The following WDR70 variants were observed in gnomAD, a reference collection of about 807,000 sequenced individuals.
The protein encoded by WDR70 is WD repeat domain 70.
Under a neutral mutation model 88.6 loss-of-function variants are expected in WDR70, and 53 were observed. That is an observed-to-expected ratio of 0.60 (90% CI 0.48 to 0.75). The LOEUF is 0.75. WDR70 is among the 30% of genes least tolerant of loss of function. The pLI is 0.00. For synonymous variants in WDR70, 280 were observed against 270.0 expected (o/e 1.04, Z -0.36); for missense variants, 610 against 823.2 (o/e 0.74, Z 3.17).
intron 13 of WDR70, among the ~76,000 whole-genome samples, chr5:37,711,709 C>T (rs746029465): frequency 6.6e-6 from 1 of 152,136 alleles, no homozygotes; most frequent in Non-Finnish European, 1.5e-5. Context: ...TCTCCAGTGA[C>T]CAAATTGGAG....
Position 37,663,722 on chromosome 5 carries a change from G to A in WDR70, c.1093-33933G>A, listed in dbSNP as rs149165467. Among the ~76,000 whole-genome samples, 119 of 152,176 alleles carry A rather than the reference G, an allele frequency of 7.8e-4. 1 individual carries two copies. Among genetic ancestry groups the A allele is most frequent in the African/African-American group, 2.6e-3 (110 of 41,510 alleles). ...TGTGCCCTTGTATGTATCTCTGTGC[G>A]CATACTGCTGTGGTCTCTCAGCCTC... On this transcript the variant is annotated intron_variant, in intron 10 of 17. Transcript: ENST00000265107.
intron 8 of WDR70, among the ~76,000 whole-genome samples, chr5:37,502,605 A>G (rs184038293): frequency 1.3e-5 from 2 of 152,190 alleles, no homozygotes; most frequent in Admixed American, 1.3e-4. Flanking sequence ...ATTGACTTGC[A>G]TATTAGGCCA....
intron 10 of WDR70, among the ~76,000 whole-genome samples, chr5:37,689,584 T>G (rs1746722239): frequency 6.6e-6 from 1 of 152,204 alleles, no homozygotes; most frequent in Non-Finnish European, 1.5e-5. Flanking sequence ...GGAGTGGACC[T>G]CCAGCAAACT....
At chr5:37,664,758 A>G (rs937486317) in intron 10 of WDR70, among the ~76,000 whole-genome samples, 29 of 152,262 alleles carry the variant, frequency 1.9e-4, no homozygotes, top group Non-Finnish European at 3.5e-4. Context: ...CACACCTGGC[A>G]TAGTGCCTTG....
intron 5 of WDR70, among the ~76,000 whole-genome samples, chr5:37,415,400 C>T (rs1185266858): frequency 1.2e-4 from 12 of 103,354 alleles, no homozygotes; most frequent in Middle Eastern, 5.3e-3. Context: ...GGCGGCTGGC[C>T]GGGCGGGGGG....
intron 7 of WDR70, among the ~76,000 whole-genome samples, chr5:37,461,085 CAAAT>C (rs1347961174): frequency 8.6e-6 from 1 of 116,502 alleles, no homozygotes; most frequent in African/African-American, 4.1e-5. Flanking sequence ...TTGTAAATGG[CAAAT>C]AAATATTTCT....
chr5:37,741,506 A>T (rs1049461321), intron 17 of WDR70, among the ~76,000 whole-genome samples: 2 of 152,090 alleles, frequency 1.3e-5, no homozygotes, highest in Non-Finnish European at 2.9e-5. Context: ...TTTGGGATGA[A>T]ACTGTTCCAC....
chr5:37,569,029 T>C (rs1742824365), intron 9 of WDR70, among the ~76,000 whole-genome samples: 1 of 152,162 alleles, frequency 6.6e-6, no homozygotes, highest in Non-Finnish European at 1.5e-5. Flanking sequence ...CCAGCCACAA[T>C]ATATACATGA....
At chr5:37,732,147 C>A (rs1748162444) in intron 17 of WDR70, among the ~76,000 whole-genome samples, 1 of 152,102 alleles carries the variant, frequency 6.6e-6, no homozygotes, top group Admixed American at 6.6e-5. Flanking sequence ...ACTTAACCCC[C>A]AGTTCCTTCA....
intron 5 of WDR70, among the ~76,000 whole-genome samples, chr5:37,415,931 C>T (rs1252297343): frequency 3.3e-5 from 5 of 151,728 alleles, no homozygotes; most frequent in Non-Finnish European, 7.4e-5. Flanking sequence ...GGCAGAGACG[C>T]TCCTCACTTC....
At chr5:37,425,659 G>GT (rs902297572) in intron 5 of WDR70, among the ~76,000 whole-genome samples, 13 of 151,960 alleles carry the variant, frequency 8.6e-5, no homozygotes, top group South Asian at 2.1e-4. Flanking sequence ...CTTTTATGCT[G>GT]TTTTTTTTCT....
At chr5:37,585,541 T>C (rs1259754678) in intron 9 of WDR70, among the ~76,000 whole-genome samples, 2 of 152,214 alleles carry the variant, frequency 1.3e-5, no homozygotes, top group African/African-American at 4.8e-5. Context: ...TCACTTCCAA[T>C]TGGTCAGAAA....
intron 5 of WDR70, among the ~76,000 whole-genome samples, chr5:37,416,179 T>C (rs931889089): frequency 1.4e-3 from 220 of 152,272 alleles, no homozygotes; most frequent in Middle Eastern, 3.4e-3. Flanking sequence ...GTGGAGGTTG[T>C]AGCGAGCCGA....
intron 3 of WDR70, among the ~76,000 whole-genome samples, chr5:37,390,576 G>A (rs939806372): frequency 2.6e-5 from 4 of 151,650 alleles, no homozygotes; most frequent in Admixed American, 6.6e-5. Flanking sequence ...TCCTGACCTC[G>A]TGATCCGCCT....
chr5:37,442,942 T>A (rs1433618045), intron 6 of WDR70, among the ~76,000 whole-genome samples: 1 of 152,232 alleles, frequency 6.6e-6, no homozygotes, highest in Non-Finnish European at 1.5e-5. Flanking sequence ...AGCAACTTAG[T>A]TTATCTTATG....
intron 5 of WDR70, among the ~76,000 whole-genome samples, chr5:37,433,303 C>T (rs62360229): frequency 0.027 from 4,178 of 152,048 alleles, 93 homozygotes; most frequent in Non-Finnish European, 0.038. Flanking sequence ...TCAAGTGATC[C>T]GCCTACCTTG....
At chr5:37,611,735 CAT>C (rs1744196973) in intron 10 of WDR70, among the ~76,000 whole-genome samples, 1 of 149,108 alleles carries the variant, frequency 6.7e-6, no homozygotes, top group African/African-American at 2.5e-5. Context: ...GTGAAGAACT[CAT>C]GTTTCATTTC....
intron 7 of WDR70, among the ~76,000 whole-genome samples, chr5:37,473,636 G>T (rs1345945663): frequency 2.6e-5 from 4 of 152,126 alleles, no homozygotes; most frequent in African/African-American, 9.7e-5. Context: ...GAGCCACCGC[G>T]CCTGGCCTTA....
chr5:37,534,499 C>CATTT (rs1741597278), intron 9 of WDR70, among the ~76,000 whole-genome samples: 1 of 133,194 alleles, frequency 7.5e-6, no homozygotes. Context: ...ACAAATCAGG[C>CATTT]TTTTTTTTTT....
Sources: gnomAD v4.1 joint callset for allele counts (sites outside exome capture counted in the v4.1 genomes callset) on GRCh38, gnomAD v4.1.1 for gene constraint, MANE v1.5 for transcripts, NCBI Gene and HGNC (gene_info 2026-07-23, HGNC 2026-07-21) for gene names.